The following SRPX variants were observed in gnomAD, a reference collection of about 807,000 sequenced individuals.
SRPX encodes sushi repeat containing protein X-linked, also known as sushi repeat-containing protein SRPX.
SRPX carries 24 observed loss-of-function variants against 38.1 expected under a neutral mutation model. The ratio of observed to expected loss-of-function variants is 0.63; its 90% CI spans 0.46 to 0.89. SRPX has a LOEUF of 0.89. Ranked by LOEUF, SRPX falls within the 40% of genes least tolerant of loss-of-function variation. SRPX has a pLI of 0.00. For missense variants in SRPX, 416 were observed against 377.8 expected, an observed-to-expected ratio of 1.10 and a Z score of -0.84; for synonymous variants, 184 against 153.8, an observed-to-expected ratio of 1.20 and a Z score of -1.45.
chrX:38,154,616 G>A, intron 8 of SRPX, 33 bp from the exon 9 acceptor site: 1 of 1,202,228 alleles, frequency 8.3e-7, no homozygotes, highest in Non-Finnish European at 1.1e-6. Flanking sequence ...GGGGAAGTAT[G>A]AGCATGGCTA....
chrX:38,215,946 C>A (rs1309551003), intron 1 of SRPX, among the ~76,000 whole-genome samples: 1 of 112,324 alleles, frequency 8.9e-6, no homozygotes, highest in Non-Finnish European at 1.9e-5. Context: ...TTTCATCTTA[C>A]TCTGTATGTT....
chrX:38,160,714 A>T (rs1332276502), intron 6 of SRPX, among the ~76,000 whole-genome samples: 1 of 110,314 alleles, frequency 9.1e-6, no homozygotes, highest in Non-Finnish European at 1.9e-5. Flanking sequence ...AGTCCTGGGA[A>T]CTCCTTAAAT....
In SRPX at chrX:38,186,135, T is replaced by C. The variant is rs780708804; in HGVS notation, c.98-7791A>G. On this transcript the variant is annotated intron_variant, in intron 1 of 9. Transcript: ENST00000378533. The stretch of plus-strand genomic sequence containing the variant: ...TTTTGAAGTCAAGTTATAAAAAGAC[T>C]GTGGTGTCCATCTTGAATACTGTCT... 3.6e-5 allele frequency among the ~76,000 whole-genome samples: 4 copies of C among 111,975 alleles called. No individual in the cohort carries two copies. The East Asian group carries it at 1.1e-3, about 31-fold the overall frequency.
intron 3 of SRPX, 21 bp downstream of exon 3, chrX:38,174,139 A>G (rs1020004667): frequency 4.1e-5 from 42 of 1,030,316 alleles, no homozygotes; most frequent in Non-Finnish European, 4.9e-5. Context: ...TGAGGACCCA[A>G]CACAGAGCTG....
intron 1 of SRPX, among the ~76,000 whole-genome samples, chrX:38,201,982 T>G (rs1409942275): frequency 8.9e-6 from 1 of 111,923 alleles, no homozygotes; most frequent in Non-Finnish European, 1.9e-5. Context: ...AAAGAAGAAC[T>G]GTAATGCTTC....
intron 1 of SRPX, among the ~76,000 whole-genome samples, chrX:38,185,884 T>TA (rs1172099220): frequency 1.5e-3 from 87 of 56,374 alleles, no homozygotes; most frequent in East Asian, 3.3e-3. Flanking sequence ...GCTATTTTTC[T>TA]AAAAAAAAAA....
chrX:38,193,079 T>C (rs1293059678), intron 1 of SRPX, among the ~76,000 whole-genome samples: 1 of 111,885 alleles, frequency 8.9e-6, no homozygotes, highest in Non-Finnish European at 1.9e-5. Flanking sequence ...CACCAGTGAG[T>C]CCTAACACAG....
intron 1 of SRPX, among the ~76,000 whole-genome samples, chrX:38,205,607 T>C (rs1170752918): frequency 8.9e-6 from 1 of 112,110 alleles, no homozygotes; most frequent in Non-Finnish European, 1.9e-5. Flanking sequence ...AGAAGTTTCA[T>C]ATTTATAGGC....
rs1420673841 is a variant in SRPX at position 38,156,933 on chromosome X, C to A, written c.1052G>T (p.Arg351Leu). ...RLLIVSTPTA[R>L]NLLYRLQLGM... ...TAGCTGGAGCCGGTAAAGGAGGTTT[C>A]GGGCTGTGGGTGTGGACACAATGAG... The change falls in exon 8 of 10, where the codon CGA becomes CTA. Residue 351 changes from arginine to leucine, a missense_variant. By Grantham distance (102) the Arg-to-Leu change is moderately radical. Coordinates refer to ENST00000378533, the MANE Select transcript of SRPX (RefSeq NM_006307.5). The A allele has an allele frequency of 8.3e-7, 1 of 1,211,208 alleles. No homozygotes were observed. The highest frequency in any genetic ancestry group is 3.0e-5 in the East Asian group (1 of 33,812).
intron 1 of SRPX, among the ~76,000 whole-genome samples, chrX:38,193,225 C>T (rs982574761): frequency 9.0e-6 from 1 of 111,319 alleles, no homozygotes; most frequent in Non-Finnish European, 1.9e-5. Flanking sequence ...CACATGAAAC[C>T]TATCCAAAAA....
Position 38,149,673 on chromosome X carries a change from G to A in SRPX, c.*38C>T. ...TTTCCCGTGTGCATGTCACTATGTA[G>A]ACAATGAAGAGGAATTGCCAAGAGA... On this transcript the variant is annotated 3_prime_UTR_variant, in exon 10 of 10. Coordinates refer to ENST00000378533, the MANE Select transcript of SRPX (RefSeq NM_006307.5). The A allele has an allele frequency of 1.7e-6, 2 of 1,170,991 alleles. No homozygotes were observed. Among genetic ancestry groups the A allele is most frequent in the Non-Finnish European group, 1.2e-6 (1 of 868,544 alleles).
At chrX:38,168,293 T>A (rs927839407) in intron 4 of SRPX, among the ~76,000 whole-genome samples, 2 of 111,497 alleles carry the variant, frequency 1.8e-5, no homozygotes, top group Non-Finnish European at 3.8e-5. Flanking sequence ...AGAAGTCCAA[T>A]TGACTGGAGA....
At chrX:38,191,479 A>T (rs758668706) in intron 1 of SRPX, among the ~76,000 whole-genome samples, 1 of 111,704 alleles carries the variant, frequency 9.0e-6, no homozygotes, top group African/African-American at 3.3e-5. Context: ...AGATACTTAT[A>T]ATATACCATA....
intron 7 of SRPX, among the ~76,000 whole-genome samples, chrX:38,157,917 C>A (rs1240817607): frequency 1.8e-5 from 2 of 112,367 alleles, no homozygotes; most frequent in Non-Finnish European, 1.9e-5. Context: ...GCTTCTGGGG[C>A]ACTAACTCTC....
intron 1 of SRPX, among the ~76,000 whole-genome samples, chrX:38,201,976 A>G (rs1043424035): frequency 8.9e-6 from 1 of 112,200 alleles, no homozygotes; most frequent in African/African-American, 3.2e-5. Flanking sequence ...AGTGGAAAAG[A>G]AGAACTGTAA....
chrX:38,218,013 T>A (rs193030349), intron 1 of SRPX, among the ~76,000 whole-genome samples: 194 of 112,415 alleles, frequency 1.7e-3, no homozygotes, highest in African/African-American at 5.9e-3. Flanking sequence ...TCCTAGCCTG[T>A]TCCCGGTGAC....
At chrX:38,214,149 T>C (rs754850759) in intron 1 of SRPX, among the ~76,000 whole-genome samples, 128 of 111,869 alleles carry the variant, frequency 1.1e-3, no homozygotes, top group African/African-American at 3.8e-3. Context: ...AGGAATTCTA[T>C]AGCCACTAGA....
At chrX:38,180,982 G>A (rs774730716) in intron 1 of SRPX, among the ~76,000 whole-genome samples, 38 of 112,615 alleles carry the variant, frequency 3.4e-4, no homozygotes, top group South Asian at 2.9e-3. Flanking sequence ...GTTGGTCCCA[G>A]AAGACTATAT....
intron 8 of SRPX, among the ~76,000 whole-genome samples, 182 bp downstream of exon 8, chrX:38,156,714 G>A (rs1204142970): frequency 8.9e-6 from 1 of 112,517 alleles, no homozygotes; most frequent in African/African-American, 3.2e-5. Flanking sequence ...ACTCTAAGGA[G>A]TCAATGTTAA....
Sources: gnomAD v4.1 joint callset for allele counts (sites outside exome capture counted in the v4.1 genomes callset) on GRCh38, gnomAD v4.1.1 for gene constraint, MANE v1.5 for transcripts, NCBI Gene and HGNC (gene_info 2026-07-23, HGNC 2026-07-21) for gene names.